SHBG: variants seen among roughly 807,000 people sequenced by gnomAD.
SHBG encodes the protein sex hormone-binding globulin.
Under a neutral mutation model 41.9 loss-of-function variants are expected in SHBG, and 37 were observed. That is an observed-to-expected ratio of 0.88 (90% confidence interval 0.68 to 1.16). The LOEUF (loss-of-function observed/expected upper bound fraction) is 1.16, where lower values mean the gene tolerates loss of function less well. Among genes scored for constraint, SHBG ranks in the 50% most tolerant of loss-of-function variants. The pLI is 0.00. For synonymous variants in SHBG, 217 were observed against 205.8 expected (o/e 1.05, Z -0.47); for missense variants, 466 against 499.9 (o/e 0.93, Z 0.65).
chr17:7,632,162 A>G (rs2072439788), intron 6 of SHBG, 147 bp downstream of exon 6: 5 of 885,636 alleles, frequency 5.6e-6, no homozygotes, highest in South Asian at 1.4e-5. Flanking sequence ...TTCATTAATA[A>G]TTAGCCAGGC....
upstream of SHBG, chr17:7,628,052 T>C (rs1185258857): frequency 4.3e-6 from 2 of 466,872 alleles, no homozygotes; most frequent in South Asian, 3.1e-5. Context: ...TGGGTCGAGA[T>C]ACCCCGCGGT....
chr17:7,631,169 G>T (rs1475286392), intron 3 of SHBG, 31 bp from the exon 4 acceptor site: 1 of 1,518,470 alleles, frequency 6.6e-7, no homozygotes. Context: ...GATCCCAGGG[G>T]CCTCTGATTT....
intron 1 of SHBG, among the ~76,000 whole-genome samples, chr17:7,621,139 G>A (rs1218122759): frequency 1.9e-5 from 2 of 106,410 alleles, no homozygotes; most frequent in Non-Finnish European, 4.1e-5. Flanking sequence ...ATTTGCAATA[G>A]CCAGTTAGCT....
Position 7,633,276 on chromosome 17 carries a change from C to T in SHBG, c.1133C>T (p.Ala378Val). The change falls in exon 8 of 8, where the codon GCC becomes GTC. Residue 378 changes from alanine (A) to valine (V), a missense_variant. Physicochemically the swap from Ala to Val is moderately conservative, Grantham distance 64. Transcript: ENST00000380450. ...GGTCAGAGGCTGGATGTGGACCAGG[C>T]CCTGAACAGAAGCCATGAGATCTGG... ...AQGQRLDVDQ[A>V]LNRSHEIWTH... 1.2e-6 allele frequency: 2 copies of T among 1,614,128 alleles called. No individual in the cohort carries two copies. The highest frequency in any genetic ancestry group is 1.7e-6 in the Non-Finnish European group (2 of 1,179,988).
Position 7,630,957 on chromosome 17 carries a change from C to A in SHBG, c.393+88C>A. 3 of 1,202,210 alleles carry A rather than the reference C, an allele frequency of 2.5e-6. No homozygotes were observed. Among genetic ancestry groups the A allele is most frequent in the Non-Finnish European group, 2.4e-6 (2 of 825,738 alleles). 74.5% of individuals were successfully genotyped at this position (1,202,210 alleles called of 1,614,324 possible). Reference sequence around the variant, plus strand: ...ACCAAGTTATTGGGCATCCCTCTACCACTGTCATCTCGTTTAATCCACACG... The same window carrying A: ...ACCAAGTTATTGGGCATCCCTCTACAACTGTCATCTCGTTTAATCCACACG... On this transcript the variant is annotated intron_variant, in intron 3 of 7. Coordinates refer to ENST00000380450, the MANE Select transcript of SHBG (RefSeq NM_001040.5). This position sits in a 1 kb window ranked among gnomAD's most constrained non-coding sequence, Gnocchi z 4.6.
upstream of SHBG, among the ~76,000 whole-genome samples, chr17:7,624,431 A>T (rs2072155104): frequency 6.6e-6 from 1 of 151,712 alleles, no homozygotes; most frequent in Admixed American, 6.6e-5. Context: ...TTTTTAGTTG[A>T]GATGGGATTT....
In SHBG at chr17:7,630,843, C is replaced by T. The variant is rs749528710; in HGVS notation, c.367C>T (p.Arg123Trp). 8 of 1,613,376 alleles carry T rather than the reference C, an allele frequency of 5.0e-6. No homozygotes were observed. Among genetic ancestry groups the T allele is most frequent in the African/African-American group, 2.7e-5 (2 of 74,852 alleles). Residue 123 changes from arginine to tryptophan, a missense_variant, in exon 3 of 8, where the codon CGG (arginine) becomes TGG (tryptophan). Physicochemically the swap from Arg to Trp is moderately radical, Grantham distance 101. Coordinates refer to ENST00000380450, the MANE Select transcript of SHBG (RefSeq NM_001040.5). This position sits in a 1 kb window ranked among gnomAD's most constrained non-coding sequence, Gnocchi z 4.6. Reference protein sequence around the residue: ...WAQLTVGAGPRLDDGRWHQVE... With the variant: ...WAQLTVGAGPWLDDGRWHQVE... ...CCAGCTTACGGTGGGTGCTGGACCA[C>T]GGCTGGATGATGGGAGATGGCACCA...
Position 7,630,892 on chromosome 17 carries a change from G to A in SHBG, c.393+23G>A, listed in dbSNP as rs1363593692. 9 of 1,605,998 alleles carry A rather than the reference G, an allele frequency of 5.6e-6. No homozygotes were observed. In the East Asian group the frequency reaches 1.8e-4, roughly 32 times the overall value. On this transcript the variant is annotated intron_variant, in intron 3 of 7. Coordinates refer to ENST00000380450, the MANE Select transcript of SHBG (RefSeq NM_001040.5). This position sits in a 1 kb window ranked among gnomAD's most constrained non-coding sequence, Gnocchi z 4.6. Reference sequence around the variant, plus strand: ...CAGGTAAGCTAGCTCTGGTCCTCAGGGGAGGGATGTCTGGAGCTGGTCTGA... The same window carrying A: ...CAGGTAAGCTAGCTCTGGTCCTCAGAGGAGGGATGTCTGGAGCTGGTCTGA...
chr17:7,626,410 G>T (rs757747832), upstream of SHBG: 1 of 1,609,440 alleles, frequency 6.2e-7, no homozygotes, highest in South Asian at 1.1e-5. Context: ...TGATGGGGAA[G>T]GAGAAACTCA....
At chr17:7,633,122 G>A in intron 7 of SHBG, 82 bp from the exon 8 acceptor site, 2 of 1,546,972 alleles carry the variant, frequency 1.3e-6, no homozygotes, top group Non-Finnish European at 1.8e-6. Flanking sequence ...ACTCAGGTTG[G>A]AGGAGTGGAA....
intron 4 of SHBG, 33 bp downstream of exon 4, chr17:7,631,394 A>G: frequency 6.2e-7 from 1 of 1,608,130 alleles, no homozygotes; most frequent in South Asian, 1.1e-5. Context: ...ACCCTAGCCA[A>G]GACTTGGTAA....
chr17:7,620,765 G>A (rs1478319251), intron 1 of SHBG, among the ~76,000 whole-genome samples: 1 of 151,410 alleles, frequency 6.6e-6, no homozygotes, highest in African/African-American at 2.4e-5. Context: ...CAAATAGCTT[G>A]GATTACAGAC....
chr17:7,633,163 C>T (rs1467022986), intron 7 of SHBG, 41 bp from the exon 8 acceptor site: 8 of 1,612,660 alleles, frequency 5.0e-6, no homozygotes, highest in African/African-American at 1.3e-5. Context: ...ATCCGAGCCA[C>T]CTTAATGCTC....
chr17:7,625,619 G>C (rs113686155), upstream of SHBG, among the ~76,000 whole-genome samples: 2 of 151,724 alleles, frequency 1.3e-5, no homozygotes, highest in Non-Finnish European at 2.9e-5. Flanking sequence ...GGCTGGGCGC[G>C]GTGGCTCACA....
chr17:7,630,928 C>T lies in SHBG; in HGVS notation c.393+59C>T. ...CTGGAGCTGGTCTGAGGAAAGGGAA[C>T]AAAACCAAGTTATTGGGCATCCCTC... On this transcript the variant is annotated intron_variant, in intron 3 of 7. Transcript: ENST00000380450. The surrounding 1 kb of genome is among the most constrained non-coding windows in gnomAD (Gnocchi z 4.6). The T allele has an allele frequency of 1.3e-6, 2 of 1,504,752 alleles. No individual in the cohort carries two copies. The highest frequency in any genetic ancestry group is 1.1e-5 in the South Asian group (1 of 88,562). The allele number at this position is 1,504,752 out of a possible 1,614,324, so 93.2% of individuals were successfully genotyped here.
rs781352682 is a variant in SHBG, at chr17:7,632,835, G to C, written c.936G>C (p.Met312Ile). ...LGLPLQLKLSMSRVVLSQGSK... is the reference protein window; with the variant it reads ...LGLPLQLKLSISRVVLSQGSK... The stretch of plus-strand genomic sequence containing the variant: ...TCCCTCTTCAGCTGAAGCTGAGTAT[G>C]TCCAGGGTGGTCTTGAGCCAAGGGT... Residue 312 changes from methionine to isoleucine, a missense_variant, in exon 7 of 8, where the codon ATG becomes ATC. By Grantham distance (10) the Met-to-Ile change is conservative. Transcript: ENST00000380450. The C allele has an allele frequency of 2.5e-6, 4 of 1,614,178 alleles. No individual in the cohort carries two copies. The highest frequency in any genetic ancestry group is 3.4e-6 in the Non-Finnish European group (4 of 1,180,022).
At chr17:7,616,396 A>G (rs756755781) in intron 1 of SHBG, among the ~76,000 whole-genome samples, 86 of 147,054 alleles carry the variant, frequency 5.8e-4, no homozygotes, top group Middle Eastern at 3.6e-3. Context: ...TCACGAGGTC[A>G]GGAGATCGAG....
At chr17:7,615,528 CG>C (rs2071962518) in intron 1 of SHBG, among the ~76,000 whole-genome samples, 1 of 151,932 alleles carries the variant, frequency 6.6e-6, no homozygotes, top group African/African-American at 2.4e-5. Context: ...TGGCCGGGCG[CG>C]GTGGCTCACG....
chr17:7,616,375 A>T (rs1198841091), intron 1 of SHBG, among the ~76,000 whole-genome samples: 1 of 140,578 alleles, frequency 7.1e-6, no homozygotes, highest in Admixed American at 7.5e-5. Flanking sequence ...TGGGAGGCCG[A>T]GACGGGCGGA....
Sources: gnomAD v4.1 joint callset for allele counts (sites outside exome capture counted in the v4.1 genomes callset) on GRCh38, gnomAD v4.1.1 for gene constraint, Gnocchi (gnomAD v3.1) non-coding constraint, MANE v1.5 for transcripts, NCBI Gene and HGNC (gene_info 2026-07-23, HGNC 2026-07-21) for gene names.